Variants in BRINP2 observed in about 807,000 individuals in gnomAD.
BRINP2 encodes BMP/retinoic acid-inducible neural-specific protein 2.
In BRINP2, 21 loss-of-function variants were observed where a neutral mutation model predicts 69.2. The ratio of observed to expected loss-of-function variants is 0.30; its 90% CI spans 0.22 to 0.44. The LOEUF is 0.44. Among genes scored for constraint, BRINP2 ranks in the 20% least tolerant of loss-of-function variants. The pLI is 1.00. For missense variants in BRINP2, 877 were observed against 986.0 expected (o/e 0.89, Z 1.48); for synonymous variants, 380 against 394.1 (o/e 0.96, Z 0.42).
Position 177,250,567 on chromosome 1 carries a change from C to T in BRINP2, c.270-5352C>T, listed in dbSNP as rs183507742. ...GTCTCGAACTCCTGACCTCGTGATC[C>T]ACCCGCCTTGGCCTCCCAAAGTGCT... is the stretch of plus-strand genomic sequence containing the variant. On this transcript the variant is annotated intron_variant, in intron 2 of 7. Transcript: ENST00000361539. Among the ~76,000 whole-genome samples the T allele has an allele frequency of 3.1e-4, 47 of 152,342 alleles. No individual in the cohort carries two copies. In the East Asian group the frequency reaches 8.5e-3, roughly 28 times the overall value.
chr1:177,217,326 T>C (rs1649408447), intron 1 of BRINP2, among the ~76,000 whole-genome samples: 1 of 152,180 alleles, frequency 6.6e-6, no homozygotes, highest in African/African-American at 2.4e-5. Flanking sequence ...GTCACTGTAA[T>C]CTTCATTTTA....
chr1:177,243,832 G>A (rs966419002), intron 2 of BRINP2, among the ~76,000 whole-genome samples: 3 of 152,126 alleles, frequency 2.0e-5, no homozygotes, highest in Non-Finnish European at 4.4e-5. Flanking sequence ...ATTCCTTAGG[G>A]CCTCAGAGTC....
intron 2 of BRINP2, among the ~76,000 whole-genome samples, chr1:177,235,914 G>T (rs1650006992): frequency 6.6e-6 from 1 of 152,194 alleles, no homozygotes; most frequent in Non-Finnish European, 1.5e-5. Context: ...AAAGTAAAAT[G>T]GTTGATCTCT....
At chr1:177,188,712 A>C (rs561380736) in intron 1 of BRINP2, among the ~76,000 whole-genome samples, 7 of 152,276 alleles carry the variant, frequency 4.6e-5, no homozygotes, top group Non-Finnish European at 1.0e-4. Flanking sequence ...TTTTTCCCAC[A>C]GTAGGCTTCT....
chr1:177,195,319 T>C (rs1022494187), intron 1 of BRINP2, among the ~76,000 whole-genome samples: 2 of 151,988 alleles, frequency 1.3e-5, no homozygotes, highest in African/African-American at 2.4e-5. Flanking sequence ...TAAGGGACTT[T>C]TGTGATAAGC....
chr1:177,203,550 T>TAAAGG (rs1312180200), intron 1 of BRINP2, among the ~76,000 whole-genome samples: 1 of 150,606 alleles, frequency 6.6e-6, no homozygotes, highest in African/African-American at 2.4e-5. Flanking sequence ...CAATATGAAA[T>TAAAGG]AAAGGAATGA....
At chr1:177,213,031 T>C (rs538643908) in intron 1 of BRINP2, among the ~76,000 whole-genome samples, 1 of 152,298 alleles carries the variant, frequency 6.6e-6, no homozygotes, top group South Asian at 2.1e-4. Context: ...GTTATTGTTA[T>C]GAAGGTCCTA....
chr1:177,235,232 G>C (rs1649982129), intron 2 of BRINP2, among the ~76,000 whole-genome samples: 1 of 152,170 alleles, frequency 6.6e-6, no homozygotes, highest in South Asian at 2.1e-4. Context: ...GATGGCATCA[G>C]AGCTTGAGGA....
At chr1:177,195,568 T>C (rs1275163960) in intron 1 of BRINP2, among the ~76,000 whole-genome samples, 2 of 151,266 alleles carry the variant, frequency 1.3e-5, no homozygotes, top group Non-Finnish European at 2.9e-5. Flanking sequence ...AGTTTGAATC[T>C]TCAACTGTCA....
At chr1:177,176,797 C>CA (rs1321668363) in intron 1 of BRINP2, among the ~76,000 whole-genome samples, 1 of 152,114 alleles carries the variant, frequency 6.6e-6, no homozygotes, top group Non-Finnish European at 1.5e-5. Flanking sequence ...TAATTAAGCC[C>CA]ACCCAAAGCC....
intron 2 of BRINP2, among the ~76,000 whole-genome samples, chr1:177,245,803 A>G (rs1313275371): frequency 1.3e-5 from 2 of 151,996 alleles, no homozygotes; most frequent in East Asian, 1.9e-4. Context: ...TGCCCTCCCT[A>G]TGTCCCCAAG....
rs544924252 is a variant in BRINP2, at chr1:177,194,828, G to A, written c.-77+23096G>A. On this transcript the variant is annotated intron_variant, in intron 1 of 7. Transcript: ENST00000361539. ...GAAGCATACTCATCAGGACCTGCAT[G>A]GCCCAGTAGTCTCTGGTCCCCTTAA... Among the ~76,000 whole-genome samples the A allele has an allele frequency of 2.6e-5, 4 of 152,160 alleles. No individual in the cohort carries two copies. The South Asian group carries it at 8.3e-4, about 32-fold the overall frequency.
chr1:177,281,665 C>A lies in BRINP2; in HGVS notation c.*137C>A. ...GCATCCAGTAGATGGGACCTCGAGG[C>A]TCGAGCTGAAGCAGGCGAGAGAGAA... On this transcript the variant is annotated 3_prime_UTR_variant, in exon 8 of 8. Coordinates refer to ENST00000361539, the MANE Select transcript of BRINP2 (RefSeq NM_021165.4). 8.4e-7 allele frequency: 1 copy of A among 1,194,958 alleles called. No homozygotes were observed. The highest frequency in any genetic ancestry group is 1.2e-6 in the Non-Finnish European group (1 of 862,108). 74.0% of individuals were successfully genotyped at this position (1,194,958 alleles called of 1,614,324 possible). A position where few individuals can be genotyped will look rare whatever the true frequency, so the allele number is the denominator to read the frequency against.
At chr1:177,247,745 G>A (rs1446033717) in intron 2 of BRINP2, among the ~76,000 whole-genome samples, 1 of 152,222 alleles carries the variant, frequency 6.6e-6, no homozygotes, top group Admixed American at 6.5e-5. Context: ...AATGGGTTCC[G>A]TGGCTGCCTT....
rs376274006 is a variant in BRINP2 at position 177,229,867 on chromosome 1, C to T, written c.-10C>T. The T allele has an allele frequency of 6.1e-5, 95 of 1,569,964 alleles. No individual in the cohort carries two copies. Among genetic ancestry groups the T allele is most frequent in the Non-Finnish European group, 7.2e-5 (83 of 1,152,876 alleles). On this transcript the variant is annotated 5_prime_UTR_variant, in exon 2 of 8. Coordinates refer to ENST00000361539, the MANE Select transcript of BRINP2 (RefSeq NM_021165.4). ...CGAGAGAATGAAGAAACCAATCGCC[C>T]GGGAGAAGCATGAGGTGGCAGTGTG...
chr1:177,216,594 CT>C, intron 1 of BRINP2, among the ~76,000 whole-genome samples: 1 of 152,042 alleles, frequency 6.6e-6, no homozygotes, highest in Admixed American at 6.5e-5. Flanking sequence ...AGGTTTTGTA[CT>C]TTCATAAATT....
At chr1:177,252,018 TAA>T (rs1650601247) in intron 2 of BRINP2, among the ~76,000 whole-genome samples, 2 of 152,304 alleles carry the variant, frequency 1.3e-5, no homozygotes, top group Non-Finnish European at 2.9e-5. Context: ...TTGCTTTTAG[TAA>T]TCTGATTTTA....
At chr1:177,273,637 TA>T (rs529344426) in intron 5 of BRINP2, 44 bp downstream of exon 5, 14,005 of 1,014,578 alleles carry the variant, frequency 0.014, no homozygotes, top group South Asian at 0.023. Context: ...ACACCTGATT[TA>T]AAAAAAAAAA....
intron 6 of BRINP2, 136 bp from the exon 7 acceptor site, chr1:177,278,427 C>T (rs1651572427): frequency 1.3e-6 from 1 of 759,956 alleles, no homozygotes; most frequent in Non-Finnish European, 2.2e-6. Flanking sequence ...TAAAAAAGCA[C>T]CCAGGGAAAT....
Sources: allele counts gnomAD v4.1 joint callset (sites outside exome capture counted in the v4.1 genomes callset), GRCh38; gene constraint gnomAD v4.1.1; transcripts MANE v1.5; gene names NCBI Gene and HGNC (gene_info 2026-07-23, HGNC 2026-07-21).